Variants in MRPL14 observed in about 807,000 individuals in gnomAD.
MRPL14 encodes large ribosomal subunit protein uL14m.
A neutral mutation model predicts 10.9 loss-of-function variants in MRPL14; 8 were observed. The ratio of observed to expected loss-of-function variants is 0.74; its 90% CI spans 0.43 to 1.33. The LOEUF (loss-of-function observed/expected upper bound fraction) is 1.33, where lower values mean the gene tolerates loss of function less well. Ranked by LOEUF, MRPL14 falls within the 40% of genes most tolerant of loss-of-function variation. The pLI, the probability that MRPL14 is intolerant of heterozygous loss-of-function variation, is 0.01. For synonymous variants in MRPL14, 82 were observed against 74.1 expected (o/e 1.11, Z -0.54); for missense variants, 179 against 194.5 (o/e 0.92, Z 0.47).
Position 44,117,465 on chromosome 6 carries a change from C to A in MRPL14, c.-18-836G>T, listed in dbSNP as rs1267496396. ...AAGGCCTGTAGCCAGCTGCAAAACA[C>A]ACCTGTTTTTCCACCCAAACGTTTG... is the stretch of plus-strand genomic sequence containing the variant. On this transcript the variant is annotated intron_variant, in intron 1 of 2. Transcript: ENST00000372014. Among the ~76,000 whole-genome samples the A allele has an allele frequency of 4.6e-5, 7 of 152,198 alleles. No individual in the cohort carries two copies. The East Asian group carries it at 1.3e-3, about 29-fold the overall frequency.
At chr6:44,124,050 G>A (rs192840743) in intron 1 of MRPL14, among the ~76,000 whole-genome samples, 29 of 152,186 alleles carry the variant, frequency 1.9e-4, no homozygotes, top group African/African-American at 6.0e-4. Flanking sequence ...TTCTTCATCT[G>A]GTCAAACTCA....
intron 1 of MRPL14, among the ~76,000 whole-genome samples, chr6:44,118,597 C>A (rs1231837996): frequency 1.3e-5 from 2 of 152,200 alleles, no homozygotes; most frequent in Non-Finnish European, 2.9e-5. Context: ...CTTTCTGTTT[C>A]TTTATTTATG....
intron 1 of MRPL14, among the ~76,000 whole-genome samples, chr6:44,123,573 C>T (rs1371115877): frequency 6.6e-6 from 1 of 152,152 alleles, no homozygotes; most frequent in Non-Finnish European, 1.5e-5. Flanking sequence ...GTAAAGTATC[C>T]CTCAATAGCA....
chr6:44,121,191 T>A (rs567108570), intron 1 of MRPL14, among the ~76,000 whole-genome samples: 1 of 152,180 alleles, frequency 6.6e-6, no homozygotes, highest in East Asian at 1.9e-4. Context: ...GGAGACTGAC[T>A]TCAATGACAG....
chr6:44,125,009 G>A (rs1489965469), intron 1 of MRPL14, among the ~76,000 whole-genome samples: 2 of 152,192 alleles, frequency 1.3e-5, no homozygotes, highest in Non-Finnish European at 2.9e-5. Context: ...CAACACTGAA[G>A]ACTAGGAGCT....
chr6:44,115,189 G>T (rs888888180), intron 2 of MRPL14, among the ~76,000 whole-genome samples: 43 of 151,770 alleles, frequency 2.8e-4, no homozygotes, highest in Admixed American at 1.1e-3. Flanking sequence ...CTCTTCTCTC[G>T]TTTTTTATGC....
rs770659477 is a variant in MRPL14 at position 44,113,998 on chromosome 6, G to A, written c.283C>T (p.Arg95Ter). Residue 95 changes from arginine (R) to a stop codon, truncating the protein, a stop_gained, in exon 3 of 3, where the codon CGA (arginine) becomes TGA (stop). Coordinates refer to ENST00000372014, the MANE Select transcript of MRPL14 (RefSeq NM_032111.4). LOFTEE classifies it high-confidence loss of function. ...LIVGHCMPGP[R>*]MTPRFDSNNV... ...TTGGAGTCGAATCTGGGGGTCATTC[G>A]GGGGCCAGGCATGCAGTGCCCCACA... 13 of 1,613,754 alleles carry A rather than the reference G, an allele frequency of 8.1e-6. No homozygotes were observed. The highest frequency in any genetic ancestry group is 1.1e-5 in the South Asian group (1 of 91,072).
intron 1 of MRPL14, 192 bp downstream of exon 1, chr6:44,127,152 T>TCCCCGTCGGGACC: frequency 9.2e-6 from 1 of 108,806 alleles, no homozygotes; most frequent in South Asian, 3.3e-4. Context: ...GTAAGGGGCC[T>TCCCCGTCGGGACC]CCCCTCCCCG....
intron 1 of MRPL14, among the ~76,000 whole-genome samples, chr6:44,126,651 T>TC (rs11419717): frequency 0.087 from 13,287 of 152,262 alleles, 838 homozygotes; most frequent in East Asian, 0.25. Context: ...AGTTCATTTA[T>TC]CGTCGGCTGT....
Position 44,113,991 on chromosome 6 carries a change from G to A in MRPL14, c.290C>T (p.Thr97Ile), listed in dbSNP as rs35372280. 3.1e-6 allele frequency: 5 copies of A among 1,614,134 alleles called. No individual in the cohort carries two copies. The highest frequency in any genetic ancestry group is 4.2e-6 in the Non-Finnish European group (5 of 1,179,988). ...VGHCMPGPRM[T>I]PRFDSNNVVL... ...CACGTTGTTGGAGTCGAATCTGGGG[G>A]TCATTCGGGGGCCAGGCATGCAGTG... is the stretch of plus-strand genomic sequence containing the variant. The change falls in exon 3 of 3, where the codon ACC becomes ATC. Residue 97 changes from threonine to isoleucine, a missense_variant. Coordinates refer to ENST00000372014, the MANE Select transcript of MRPL14 (RefSeq NM_032111.4).
chr6:44,126,817 C>T (rs986552180), intron 1 of MRPL14: 2 of 152,172 alleles, frequency 1.3e-5, no homozygotes, highest in East Asian at 1.9e-4. Context: ...CTGGTAGATG[C>T]AGTCTCTGGT....
At chr6:44,114,246 C>G (rs1225021477) in intron 2 of MRPL14, 37 bp from the exon 3 acceptor site, 7 of 1,580,304 alleles carry the variant, frequency 4.4e-6, no homozygotes, top group African/African-American at 2.7e-5. Context: ...CAGTCTGTAT[C>G]TCTTATGGTC....
At chr6:44,118,686 C>T (rs370740675) in intron 1 of MRPL14, among the ~76,000 whole-genome samples, 7 of 152,158 alleles carry the variant, frequency 4.6e-5, no homozygotes, top group East Asian at 1.9e-4. Flanking sequence ...ACCTCATGGC[C>T]GGGCACGGTG....
chr6:44,115,900 C>T lies in MRPL14; in HGVS notation c.71+641G>A, dbSNP rs910423061. Among the ~76,000 whole-genome samples the T allele has an allele frequency of 4.0e-5, 6 of 151,020 alleles. No homozygotes were observed. The East Asian group carries it at 1.2e-3, about 29-fold the overall frequency. On this transcript the variant is annotated intron_variant, in intron 2 of 2. Transcript: ENST00000372014. ...ATATGACGCCTTCCAAAGCACTGTA[C>T]AATCCTCTATTATAATATTCTATCA...
intron 1 of MRPL14, among the ~76,000 whole-genome samples, chr6:44,117,264 G>A (rs1775941926): frequency 6.6e-6 from 1 of 152,120 alleles, no homozygotes; most frequent in African/African-American, 2.4e-5. Flanking sequence ...CCATACTACA[G>A]CTGAAAGTGG....
rs1429557308 is a variant in MRPL14 at position 44,127,435 on chromosome 6, A to C, written c.-110T>G. The C allele has an allele frequency of 4.0e-5, 6 of 150,252 alleles. No individual in the cohort carries two copies. Among genetic ancestry groups the C allele is most frequent in the Admixed American group, 6.6e-5 (1 of 15,192 alleles). 9.3% of individuals were successfully genotyped at this position (150,252 alleles called of 1,614,324 possible). ...GGCCTCTTCCTAGCGCCTGCGCGCCAGGCCCAGCCCGGCGGACGCGATCTG... is the reference window on the plus strand; with the variant it reads ...GGCCTCTTCCTAGCGCCTGCGCGCCCGGCCCAGCCCGGCGGACGCGATCTG... On this transcript the variant is annotated 5_prime_UTR_variant, in exon 1 of 3. Transcript: ENST00000372014.
intron 1 of MRPL14, among the ~76,000 whole-genome samples, chr6:44,125,654 CAAAAAAAAAAAA>C (rs56951374): frequency 1.7e-4 from 11 of 64,594 alleles, no homozygotes; most frequent in African/African-American, 2.2e-4. Flanking sequence ...GAGACTGTCT[CAAAAAAAAAAAA>C]AAAAAAAAAA....
chr6:44,125,458 C>A (rs1042585207), intron 1 of MRPL14, among the ~76,000 whole-genome samples: 1 of 152,186 alleles, frequency 6.6e-6, no homozygotes, highest in East Asian at 1.9e-4. Flanking sequence ...GGGCTGGAGA[C>A]CAGCCTGGGC....
At chr6:44,115,432 G>C (rs1775750205) in intron 2 of MRPL14, among the ~76,000 whole-genome samples, 2 of 152,084 alleles carry the variant, frequency 1.3e-5, no homozygotes, top group Admixed American at 1.3e-4. Flanking sequence ...AGCAGTACCA[G>C]AAGCCAAGCC....
Sources: gnomAD v4.1 joint callset for allele counts (sites outside exome capture counted in the v4.1 genomes callset) on GRCh38, gnomAD v4.1.1 for gene constraint, MANE v1.5 for transcripts, NCBI Gene and HGNC (gene_info 2026-07-23, HGNC 2026-07-21) for gene names.